CADM2: variants seen among roughly 807,000 people sequenced by gnomAD.
CADM2 encodes the protein immunoglobulin superfamily member 4D.
In CADM2, 12 loss-of-function variants were observed where a neutral mutation model predicts 49.8. The observed-to-expected ratio is 0.24, with a 90% CI of 0.15 to 0.39. CADM2 has a LOEUF of 0.39. Ranked by LOEUF, CADM2 falls within the 10% of genes least tolerant of loss-of-function variation. The pLI is 1.00. For synonymous variants in CADM2, 214 were observed against 175.4 expected (o/e 1.22, Z -1.74); for missense variants, 378 against 492.3 (o/e 0.77, Z 2.20).
intron 7 of CADM2, among the ~76,000 whole-genome samples, chr3:85,947,550 T>C (rs1288033784): frequency 6.6e-6 from 1 of 151,070 alleles, no homozygotes; most frequent in African/African-American, 2.4e-5. Flanking sequence ...TTTTCAAAAT[T>C]GAAAAAAAAA....
At chr3:86,049,621 G>A (rs1406109321) in intron 8 of CADM2, among the ~76,000 whole-genome samples, 3 of 152,068 alleles carry the variant, frequency 2.0e-5, no homozygotes, top group Non-Finnish European at 4.4e-5. Flanking sequence ...TGGGCTGTAC[G>A]AGAAATGCGA....
intron 1 of CADM2, among the ~76,000 whole-genome samples, chr3:85,408,349 C>T (rs1228040721): frequency 6.6e-6 from 1 of 152,124 alleles, no homozygotes; most frequent in Non-Finnish European, 1.5e-5. Context: ...GGAACTTCAA[C>T]ATAAAAGCCA....
intron 1 of CADM2, among the ~76,000 whole-genome samples, chr3:85,016,483 G>T (rs1266296603): frequency 6.6e-6 from 1 of 152,050 alleles, no homozygotes; most frequent in Admixed American, 6.6e-5. Context: ...ATAAATAACT[G>T]TCAATCTGTA....
chr3:85,014,349 A>G (rs1047926219), intron 1 of CADM2, among the ~76,000 whole-genome samples: 1 of 151,914 alleles, frequency 6.6e-6, no homozygotes, highest in Middle Eastern at 3.4e-3. Context: ...TAATTGTTTT[A>G]TTTTATTATT....
At chr3:85,997,175 G>T (rs1729535905) in intron 8 of CADM2, among the ~76,000 whole-genome samples, 1 of 152,168 alleles carries the variant, frequency 6.6e-6, no homozygotes. Context: ...AAACTAAAGG[G>T]AATCACTTCT....
chr3:85,693,531 G>C (rs1197358833), intron 1 of CADM2, among the ~76,000 whole-genome samples: 1 of 133,576 alleles, frequency 7.5e-6, no homozygotes, highest in East Asian at 2.3e-4. Flanking sequence ...AGTGAGCCGA[G>C]ATAGTGCCAC....
chr3:85,018,238 G>A (rs2034335399), intron 1 of CADM2, among the ~76,000 whole-genome samples: 1 of 152,064 alleles, frequency 6.6e-6, no homozygotes, highest in Non-Finnish European at 1.5e-5. Context: ...CTCAGGTTTG[G>A]CATTTATCTT....
chr3:84,961,996 G>A (rs1181074452), intron 1 of CADM2, among the ~76,000 whole-genome samples: 1 of 152,004 alleles, frequency 6.6e-6, no homozygotes, highest in African/African-American at 2.4e-5. Context: ...TCAGGCATGA[G>A]TCTCTTTTAT....
chr3:85,390,347 C>A (rs950573264), intron 1 of CADM2, among the ~76,000 whole-genome samples: 3 of 152,038 alleles, frequency 2.0e-5, no homozygotes, highest in Non-Finnish European at 4.4e-5. Context: ...GCACTTCAAT[C>A]GTGGTTCTTC....
At chr3:85,737,173 C>A (rs1393876388) in intron 2 of CADM2, among the ~76,000 whole-genome samples, 1 of 152,054 alleles carries the variant, frequency 6.6e-6, no homozygotes, top group Non-Finnish European at 1.5e-5. Flanking sequence ...CTGTGTAAGA[C>A]AAGTGAAAGT....
At chr3:85,930,180 C>T (rs946556007) in intron 6 of CADM2, among the ~76,000 whole-genome samples, 4 of 152,082 alleles carry the variant, frequency 2.6e-5, no homozygotes, top group African/African-American at 9.7e-5. Flanking sequence ...ATAGTTTACA[C>T]ATGTAGTACT....
chr3:86,040,553 A>G (rs1735747624), intron 8 of CADM2, among the ~76,000 whole-genome samples: 1 of 152,148 alleles, frequency 6.6e-6, no homozygotes, highest in Non-Finnish European at 1.5e-5. Context: ...AAAGAAACCA[A>G]CAAAGCCTCC....
At chr3:85,866,046 G>C (rs1276357837) in intron 3 of CADM2, among the ~76,000 whole-genome samples, 3 of 152,116 alleles carry the variant, frequency 2.0e-5, no homozygotes, top group African/African-American at 7.2e-5. Flanking sequence ...GCTGAGGCAG[G>C]AGAAACACTT....
chr3:85,693,519 G>T (rs1195096080), intron 1 of CADM2, among the ~76,000 whole-genome samples: 2 of 145,922 alleles, frequency 1.4e-5, no homozygotes, highest in Non-Finnish European at 3.0e-5. Flanking sequence ...GGCGGAGCTT[G>T]CAGTGAGCCG....
At chr3:85,818,912 A>G (rs1373547383) in intron 3 of CADM2, among the ~76,000 whole-genome samples, 1 of 144,486 alleles carries the variant, frequency 6.9e-6, no homozygotes, top group Non-Finnish European at 1.5e-5. Context: ...TATATGTGAA[A>G]GGGAGTTTAT....
intron 6 of CADM2, among the ~76,000 whole-genome samples, chr3:85,918,855 A>G (rs1718730687): frequency 6.6e-6 from 1 of 152,074 alleles, no homozygotes; most frequent in Admixed American, 6.6e-5. Flanking sequence ...TTTATTTGTG[A>G]GTTAATTTTT....
rs544811626 is a variant in CADM2, at chr3:85,949,542, T to C, written c.792-11927T>C. The stretch of plus-strand genomic sequence containing the variant: ...CAAGGTTGTCACCAAAACTCCTCTG[T>C]TTAATAACAGAGAAGTTTGATCCTT... On this transcript the variant is annotated intron_variant, in intron 7 of 9. Transcript: ENST00000383699. 4.0e-5 allele frequency among the ~76,000 whole-genome samples: 6 copies of C among 151,438 alleles called. 1 individual carries two copies. The highest frequency in any genetic ancestry group is 1.4e-4 in the African/African-American group (6 of 41,476).
At chr3:85,407,429 A>T (rs1312992850) in intron 1 of CADM2, among the ~76,000 whole-genome samples, 2 of 152,050 alleles carry the variant, frequency 1.3e-5, no homozygotes, top group African/African-American at 2.4e-5. Context: ...TTTCTCTCAG[A>T]ACTTTTACAC....
chr3:85,530,292 A>C (rs1265313389), intron 1 of CADM2, among the ~76,000 whole-genome samples: 1 of 149,374 alleles, frequency 6.7e-6, no homozygotes, highest in African/African-American at 2.5e-5. Flanking sequence ...GGAAATGTGG[A>C]ACTGTGAGTC....
Sources: allele counts gnomAD v4.1 joint callset (sites outside exome capture counted in the v4.1 genomes callset), GRCh38; gene constraint gnomAD v4.1.1; transcripts MANE v1.5; gene names NCBI Gene and HGNC (gene_info 2026-07-23, HGNC 2026-07-21).